Variants in ZFAND3 observed in about 807,000 individuals in gnomAD.
The protein encoded by ZFAND3 is AN1-type zinc finger protein 3.
A neutral mutation model predicts 29.6 loss-of-function variants in ZFAND3; 10 were observed. The observed-to-expected ratio is 0.34, with a 90% CI of 0.21 to 0.57. The LOEUF is 0.57. Among genes scored for constraint, ZFAND3 ranks in the 20% least tolerant of loss-of-function variants. The pLI is 0.86. For synonymous variants in ZFAND3, 128 were observed against 112.6 expected (o/e 1.14, Z -0.87); for missense variants, 230 against 304.5 (o/e 0.76, Z 1.82).
chr6:37,865,835 C>T (rs542325798), intron 1 of ZFAND3, among the ~76,000 whole-genome samples: 37 of 152,166 alleles, frequency 2.4e-4, no homozygotes, highest in Admixed American at 1.4e-3. Context: ...GGTTGCAAGT[C>T]GAACGGTAGG....
chr6:38,077,280 A>G (rs552871107), intron 3 of ZFAND3, among the ~76,000 whole-genome samples: 6 of 152,218 alleles, frequency 3.9e-5, no homozygotes, highest in Admixed American at 6.5e-5. Flanking sequence ...AATTACCTTT[A>G]GAACTGTGAG....
chr6:38,040,047 G>GA (rs993240702), intron 2 of ZFAND3, among the ~76,000 whole-genome samples: 122 of 151,372 alleles, frequency 8.1e-4, no homozygotes, highest in South Asian at 2.9e-3. Context: ...TTAAAAACTA[G>GA]AAAAAAAACA....
chr6:38,142,359 G>A lies in ZFAND3; in HGVS notation c.530-9876G>A, dbSNP rs116845913. On this transcript the variant is annotated intron_variant, in intron 5 of 5. Transcript: ENST00000287218. Reference sequence around the variant, plus strand: ...GACTTGGATGAACTGACTCTTGCCTGCAAAGGTGCCTTCAGGGAGGCTAAA... The same window carrying A: ...GACTTGGATGAACTGACTCTTGCCTACAAAGGTGCCTTCAGGGAGGCTAAA... The A allele has an allele frequency of 3.2e-5, 15 of 471,276 alleles. No homozygotes were observed. The East Asian group carries it at 1.0e-3, about 33-fold the overall frequency. The allele number at this position is 471,276 out of a possible 1,614,324, so 29.2% of individuals were successfully genotyped here. A position where few individuals can be genotyped will look rare whatever the true frequency, so the allele number is the denominator to read the frequency against.
intron 4 of ZFAND3, among the ~76,000 whole-genome samples, chr6:38,090,824 G>A (rs888294615): frequency 6.6e-6 from 1 of 152,180 alleles, no homozygotes; most frequent in African/African-American, 2.4e-5. Context: ...TAAATAATAG[G>A]TGGGTTTAAA....
intron 2 of ZFAND3, among the ~76,000 whole-genome samples, chr6:38,007,703 A>G (rs1278801673): frequency 2.6e-5 from 4 of 152,224 alleles, no homozygotes; most frequent in African/African-American, 9.6e-5. Context: ...TGCCTGATGC[A>G]AGATGTGATT....
chr6:38,096,241 T>C (rs1178427773), intron 4 of ZFAND3, among the ~76,000 whole-genome samples: 1 of 151,660 alleles, frequency 6.6e-6, no homozygotes, highest in East Asian at 1.9e-4. Flanking sequence ...GGTGTGATCT[T>C]GGCTCACTGC....
At chr6:38,137,281 C>A (rs752046077) in intron 5 of ZFAND3, among the ~76,000 whole-genome samples, 1 of 152,212 alleles carries the variant, frequency 6.6e-6, no homozygotes, top group African/African-American at 2.4e-5. Context: ...ACAAGCCAGA[C>A]AGCAGTAGTT....
intron 2 of ZFAND3, among the ~76,000 whole-genome samples, chr6:38,014,192 C>T (rs926411317): frequency 6.6e-6 from 1 of 151,930 alleles, no homozygotes; most frequent in African/African-American, 2.4e-5. Flanking sequence ...ATTAGTCGTG[C>T]AACTTTTTTG....
intron 3 of ZFAND3, among the ~76,000 whole-genome samples, chr6:38,081,960 T>G (rs1764671729): frequency 6.6e-6 from 1 of 152,124 alleles, no homozygotes; most frequent in South Asian, 2.1e-4. Context: ...GTAAGGCTAG[T>G]TTTTCAGTAA....
intron 2 of ZFAND3, among the ~76,000 whole-genome samples, chr6:38,042,384 G>T (rs188284221): frequency 6.7e-6 from 1 of 148,860 alleles, no homozygotes; most frequent in Non-Finnish European, 1.5e-5. Flanking sequence ...GCGCCATCTC[G>T]GCTCACTGCA....
chr6:37,847,300 G>A (rs1013337837), intron 1 of ZFAND3, among the ~76,000 whole-genome samples: 1 of 152,118 alleles, frequency 6.6e-6, no homozygotes, highest in African/African-American at 2.4e-5. Flanking sequence ...AATCGGCCGG[G>A]TGTGGTTGCT....
chr6:37,899,702 A>G (rs1765284469), intron 1 of ZFAND3, among the ~76,000 whole-genome samples: 1 of 152,240 alleles, frequency 6.6e-6, no homozygotes. Context: ...AAATTTCTTT[A>G]CAATTCTTTA....
intron 1 of ZFAND3, chr6:37,832,879 G>A (rs969643378): frequency 1.3e-5 from 2 of 152,172 alleles, no homozygotes; most frequent in Non-Finnish European, 2.9e-5. Context: ...TAGAGATGGG[G>A]GTCTGTCTCT....
chr6:38,073,380 A>G (rs1468195295), intron 3 of ZFAND3, among the ~76,000 whole-genome samples: 2 of 151,416 alleles, frequency 1.3e-5, no homozygotes, highest in African/African-American at 4.9e-5. Context: ...TGGTGTCTCC[A>G]TTAATGTTGT....
chr6:37,941,487 T>C (rs1351732966), intron 2 of ZFAND3, among the ~76,000 whole-genome samples: 1 of 152,094 alleles, frequency 6.6e-6, no homozygotes, highest in Non-Finnish European at 1.5e-5. Flanking sequence ...GGGGGGAGTG[T>C]TTTTGTCTAA....
intron 1 of ZFAND3, among the ~76,000 whole-genome samples, chr6:37,907,069 A>G (rs1048668833): frequency 6.6e-6 from 1 of 152,036 alleles, no homozygotes; most frequent in Non-Finnish European, 1.5e-5. Context: ...TTTTGTAGAA[A>G]TGAAATTGTT....
chr6:37,840,585 G>A (rs1402705293), intron 1 of ZFAND3, among the ~76,000 whole-genome samples: 1 of 152,174 alleles, frequency 6.6e-6, no homozygotes, highest in Non-Finnish European at 1.5e-5. Context: ...CAGCTTGTCA[G>A]CTTGATCAGC....
intron 2 of ZFAND3, among the ~76,000 whole-genome samples, chr6:37,961,339 A>G (rs551722767): frequency 7.9e-5 from 12 of 152,350 alleles, no homozygotes; most frequent in East Asian, 3.9e-4. Flanking sequence ...CCACAATGCA[A>G]TAGAACACCA....
chr6:37,844,878 G>A (rs1016827238), intron 1 of ZFAND3, among the ~76,000 whole-genome samples: 2 of 151,252 alleles, frequency 1.3e-5, no homozygotes, highest in African/African-American at 4.9e-5. Context: ...CAAAAAATTA[G>A]CCAGGCGTTG....
Sources: gnomAD v4.1 joint callset for allele counts (sites outside exome capture counted in the v4.1 genomes callset) on GRCh38, gnomAD v4.1.1 for gene constraint, MANE v1.5 for transcripts, NCBI Gene and HGNC (gene_info 2026-07-23, HGNC 2026-07-21) for gene names.